Variants in ZNF500 observed in about 807,000 individuals in gnomAD.
ZNF500 encodes the protein zinc finger protein with KRAB and SCAN domains 18.
In ZNF500, 31 loss-of-function variants were observed where a neutral mutation model predicts 30.1. The observed-to-expected ratio is 1.03, with a 90% CI of 0.77 to 1.39. ZNF500 has a LOEUF of 1.39. Among genes scored for constraint, ZNF500 ranks in the 40% most tolerant of loss-of-function variants. The pLI is 0.00. For missense variants in ZNF500, 817 were observed against 657.8 expected (o/e 1.24, Z -2.65); for synonymous variants, 392 against 282.0 (o/e 1.39, Z -3.91).
At chr16:4,761,427 CA>C (rs2082198253) in intron 4 of ZNF500, among the ~76,000 whole-genome samples, 1 of 146,742 alleles carries the variant, frequency 6.8e-6, no homozygotes, top group Admixed American at 6.9e-5. Flanking sequence ...GCAACAAGAG[CA>C]AAACTCTGTC....
rs2082254293 is a variant in ZNF500 at position 4,765,507 on chromosome 16, C to T, written c.414+58G>A. 5 of 1,526,564 alleles carry T rather than the reference C, an allele frequency of 3.3e-6. No individual in the cohort carries two copies. In the South Asian group the frequency reaches 6.5e-5, roughly 20 times the overall value. 94.6% of individuals were successfully genotyped at this position (1,526,564 alleles called of 1,614,324 possible). A position where few individuals can be genotyped will look rare whatever the true frequency, so the allele number is the denominator to read the frequency against. On this transcript the variant is annotated intron_variant, in intron 2 of 5. Transcript: ENST00000219478. ...CCAATGACCAAGGAATCTGCAGCTG[C>T]AGACCCCAGCAGCAGGGCCCCATTT... is the stretch of plus-strand genomic sequence containing the variant.
Position 4,751,367 on chromosome 16 carries a change from C to T in ZNF500, c.*1009G>A. On this transcript the variant is annotated 3_prime_UTR_variant, in exon 6 of 6. Transcript: ENST00000219478. Reference sequence around the variant, plus strand: ...GACACTAAGGGGCCAGGAGCAAACGCAGCCCTGGGCCCCGGCCCTGGGGAG... The same window carrying T: ...GACACTAAGGGGCCAGGAGCAAACGTAGCCCTGGGCCCCGGCCCTGGGGAG... 1 of 544,848 alleles carries T rather than the reference C, an allele frequency of 1.8e-6. No homozygotes were observed. Among genetic ancestry groups the T allele is most frequent in the Non-Finnish European group, 3.2e-6 (1 of 308,656 alleles). 33.8% of individuals were successfully genotyped at this position (544,848 alleles called of 1,614,324 possible). A position where few individuals can be genotyped will look rare whatever the true frequency, so the allele number is the denominator to read the frequency against.
At chr16:4,746,449 A>G (rs750170403), downstream of ZNF500, 4 of 1,613,770 alleles carry the variant, frequency 2.5e-6, no homozygotes, top group South Asian at 4.4e-5. Context: ...CTTAACGCAG[A>G]GTCCCCCACC....
chr16:4,765,440 T>A, intron 2 of ZNF500, 125 bp downstream of exon 2: 1 of 1,368,210 alleles, frequency 7.3e-7, no homozygotes, highest in Non-Finnish European at 1.0e-6. Context: ...GCAGTTGCTT[T>A]CCTCAAAAGG....
downstream of ZNF500, chr16:4,747,566 G>A: frequency 1.2e-6 from 2 of 1,611,834 alleles, no homozygotes; most frequent in East Asian, 2.2e-5. Flanking sequence ...AGCCCTGGGG[G>A]ATGTTCCTGA....
At chr16:4,762,459 G>C in intron 3 of ZNF500, 114 bp downstream of exon 3, 1 of 1,511,620 alleles carries the variant, frequency 6.6e-7, no homozygotes, top group Non-Finnish European at 8.9e-7. Context: ...TTGCTGGAGA[G>C]CCTGTGCACC....
downstream of ZNF500, chr16:4,746,692 G>A: frequency 1.1e-6 from 1 of 912,394 alleles, no homozygotes. Flanking sequence ...AGGGAAGAGG[G>A]GCATGAGGCA....
In ZNF500 at chr16:4,748,942, G is replaced by A. The variant is rs2082051912; in HGVS notation, c.*3434C>T. The A allele has an allele frequency of 6.6e-6, 1 of 152,302 alleles. No individual in the cohort carries two copies. The highest frequency in any genetic ancestry group is 6.5e-5 in the Admixed American group (1 of 15,282). The allele number at this position is 152,302 out of a possible 1,614,324, so 9.4% of individuals were successfully genotyped here. ...CCAGGCAAAAGACAGGCCCTGCTTG[G>A]CCGTGGTCACTGGCCGCCAAGATCA... On this transcript the variant is annotated 3_prime_UTR_variant, in exon 6 of 6. Transcript: ENST00000219478.
chr16:4,757,696 G>A (rs938312750), intron 5 of ZNF500, among the ~76,000 whole-genome samples: 3 of 151,586 alleles, frequency 2.0e-5, no homozygotes, highest in Non-Finnish European at 2.9e-5. Flanking sequence ...TCCGCCTCCC[G>A]GGTTCAAGCG....
chr16:4,766,816 C>T (rs1198884507), intron 1 of ZNF500: 1 of 152,384 alleles, frequency 6.6e-6, no homozygotes, highest in African/African-American at 2.4e-5. Context: ...CGTCAGGCAC[C>T]CCCGCGTGGG....
chr16:4,747,435 C>T (rs375845445), downstream of ZNF500: 21 of 1,612,910 alleles, frequency 1.3e-5, no homozygotes, highest in African/African-American at 5.3e-5. Flanking sequence ...AAGGGGCCCG[C>T]GGGTGGGAGG....
In ZNF500 at chr16:4,751,530, C is replaced by G; in HGVS notation, c.*846G>C. 1 of 1,521,210 alleles carries G rather than the reference C, an allele frequency of 6.6e-7. No homozygotes were observed. The highest frequency in any genetic ancestry group is 8.8e-7 in the Non-Finnish European group (1 of 1,139,494). The allele number at this position is 1,521,210 out of a possible 1,614,324, so 94.2% of individuals were successfully genotyped here. On this transcript the variant is annotated 3_prime_UTR_variant, in exon 6 of 6. Coordinates refer to ENST00000219478, the MANE Select transcript of ZNF500 (RefSeq NM_021646.4). Reference sequence around the variant, plus strand: ...CTGGAATGCTGCAGAGCCCCGGGCTCCATTTGGAAACTCTGGCAGGATGAA... The same window carrying G: ...CTGGAATGCTGCAGAGCCCCGGGCTGCATTTGGAAACTCTGGCAGGATGAA...
intron 4 of ZNF500, 50 bp downstream of exon 4, chr16:4,762,221 G>T (rs1456997714): frequency 6.3e-7 from 1 of 1,586,776 alleles, no homozygotes; most frequent in Non-Finnish European, 8.6e-7. Context: ...TGACACACAG[G>T]AGGTCGGGCC....
At position 4,765,751 on chromosome 16, in the gene ZNF500, GCAGCA is replaced by G; in HGVS notation, c.223_227del (p.Cys75ProfsTer43). ...TGCGCAGCTCCGGCCGCAGCCAGCG[GCAGCA>G]CAGCTCCCAGAGGCGGCTCAGGGCC... On this transcript the variant is annotated frameshift_variant, in exon 2 of 6. Coordinates refer to ENST00000219478, the MANE Select transcript of ZNF500 (RefSeq NM_021646.4). LOFTEE classifies it high-confidence loss of function. 6.2e-7 allele frequency: 1 copy of G among 1,613,230 alleles called. No individual in the cohort carries two copies. The highest frequency in any genetic ancestry group is 8.5e-7 in the Non-Finnish European group (1 of 1,179,940).
At chr16:4,762,419 C>A in intron 3 of ZNF500, 84 bp from the exon 4 acceptor site, 2 of 1,527,532 alleles carry the variant, frequency 1.3e-6, no homozygotes, top group South Asian at 1.3e-5. Context: ...GCCCCAACAG[C>A]CCGGCGGCTG....
downstream of ZNF500, among the ~76,000 whole-genome samples, chr16:4,744,414 T>C (rs2081987104): frequency 6.6e-6 from 1 of 152,180 alleles, no homozygotes; most frequent in Non-Finnish European, 1.5e-5. Flanking sequence ...CTAGATCGTT[T>C]TAGCACAGAA....
chr16:4,753,864 C>T (rs761232900), intron 5 of ZNF500, among the ~76,000 whole-genome samples: 12 of 152,252 alleles, frequency 7.9e-5, no homozygotes, highest in Non-Finnish European at 1.5e-4. Flanking sequence ...GCTGTTCTGG[C>T]TGAGCAGAGC....
At chr16:4,746,730 T>G, downstream of ZNF500, 1 of 770,036 alleles carries the variant, frequency 1.3e-6, no homozygotes, top group Non-Finnish European at 2.0e-6. Context: ...CTCTATGCAA[T>G]AGAGCCCAAC....
chr16:4,762,670 A>G lies in ZNF500; in HGVS notation c.501T>C (p.Asp167=). The G allele has an allele frequency of 6.2e-7, 1 of 1,614,042 alleles. No individual in the cohort carries two copies. The highest frequency in any genetic ancestry group is 8.5e-7 in the Non-Finnish European group (1 of 1,179,954). ...ATCGAGCCTCTTCCTCCAGGGACAGATCCTCTGGCTGAGCCTCTGCCTGGT... is the reference window on the plus strand; with the variant it reads ...ATCGAGCCTCTTCCTCCAGGGACAGGTCCTCTGGCTGAGCCTCTGCCTGGT... ...LKHQAEAQPE[D]LSLEEEARFS... Residue 167 remains aspartate, a synonymous_variant, in exon 3 of 6, where the codon GAT becomes GAC. Coordinates refer to ENST00000219478, the MANE Select transcript of ZNF500 (RefSeq NM_021646.4).
Sources: gnomAD v4.1 joint callset for allele counts (sites outside exome capture counted in the v4.1 genomes callset) on GRCh38, gnomAD v4.1.1 for gene constraint, MANE v1.5 for transcripts, NCBI Gene and HGNC (gene_info 2026-07-23, HGNC 2026-07-21) for gene names.